The following ZRANB3 variants were observed in gnomAD, a reference collection of about 807,000 sequenced individuals.
The protein encoded by ZRANB3 is zinc finger RANBP2-type containing 3, also known as DNA annealing helicase and endonuclease ZRANB3.
ZRANB3 carries 125 observed loss-of-function variants against 133.8 expected under a neutral mutation model. The ratio of observed to expected loss-of-function variants is 0.93; its 90% CI spans 0.81 to 1.08. The LOEUF is 1.08. Among genes scored for constraint, ZRANB3 ranks in the 50% least tolerant of loss-of-function variants. The probability of loss-of-function intolerance (pLI) is 0.00; values close to 1 mark genes in which losing one functional copy is unlikely to be tolerated. For synonymous variants in ZRANB3, 387 were observed against 432.7 expected (o/e 0.89, Z 1.31); for missense variants, 1,229 against 1,275.5 (o/e 0.96, Z 0.56).
At chr2:135,413,130 T>A (rs950170289) in intron 2 of ZRANB3, among the ~76,000 whole-genome samples, 3 of 152,202 alleles carry the variant, frequency 2.0e-5, no homozygotes, top group Admixed American at 1.3e-4. Flanking sequence ...GCTTTTCTCC[T>A]CTTTCTTCCC....
At chr2:135,235,558 A>G (rs899739427) in intron 12 of ZRANB3, among the ~76,000 whole-genome samples, 244 of 152,124 alleles carry the variant, frequency 1.6e-3, no homozygotes, top group African/African-American at 5.8e-3. Context: ...GGCAAACCGA[A>G]TCCAGCAGCA....
chr2:135,412,404 T>C (rs1448107612), intron 2 of ZRANB3, among the ~76,000 whole-genome samples: 2 of 152,208 alleles, frequency 1.3e-5, no homozygotes. Context: ...GTGATTTTAA[T>C]ATTGTAAGTC....
intron 2 of ZRANB3, among the ~76,000 whole-genome samples, chr2:135,464,744 C>T (rs1347697835): frequency 2.6e-5 from 4 of 152,166 alleles, no homozygotes; most frequent in South Asian, 2.1e-4. Context: ...AAGCCATGTA[C>T]GTATTCCACA....
intron 6 of ZRANB3, among the ~76,000 whole-genome samples, chr2:135,328,613 T>A (rs941057556): frequency 5.9e-5 from 9 of 152,214 alleles, no homozygotes; most frequent in African/African-American, 2.2e-4. Flanking sequence ...GTATTTCTAG[T>A]TCTAGATCCT....
intron 2 of ZRANB3, among the ~76,000 whole-genome samples, chr2:135,488,432 T>C (rs1692218645): frequency 6.6e-6 from 1 of 151,934 alleles, no homozygotes; most frequent in Non-Finnish European, 1.5e-5. Flanking sequence ...CCACAATATA[T>C]GCAAAGCACA....
intron 2 of ZRANB3, among the ~76,000 whole-genome samples, chr2:135,451,392 T>C (rs1054167867): frequency 6.6e-6 from 1 of 151,348 alleles, no homozygotes; most frequent in Non-Finnish European, 1.5e-5. Flanking sequence ...AGAAACCCCG[T>C]CTCTACTAAA....
At chr2:135,499,938 A>G (rs1177386186) in intron 2 of ZRANB3, among the ~76,000 whole-genome samples, 1 of 152,220 alleles carries the variant, frequency 6.6e-6, no homozygotes, top group Non-Finnish European at 1.5e-5. Flanking sequence ...TCACCAATGT[A>G]ACCAATATGA....
At chr2:135,507,229 GAATA>G (rs1172457897) in intron 1 of ZRANB3, among the ~76,000 whole-genome samples, 2 of 152,116 alleles carry the variant, frequency 1.3e-5, no homozygotes, top group Admixed American at 6.5e-5. Flanking sequence ...AAGGACTACA[GAATA>G]AATAAATTGG....
chr2:135,393,960 C>T (rs962836204), intron 2 of ZRANB3, among the ~76,000 whole-genome samples: 5 of 152,042 alleles, frequency 3.3e-5, no homozygotes, highest in South Asian at 2.1e-4. Context: ...CAGGCTCAAG[C>T]GATTCTCCTG....
chr2:135,331,173 T>C (rs1257293153), intron 6 of ZRANB3, among the ~76,000 whole-genome samples: 1 of 152,224 alleles, frequency 6.6e-6, no homozygotes, highest in Non-Finnish European at 1.5e-5. Context: ...ATTTTAGATC[T>C]TTCCTGCTTT....
intron 2 of ZRANB3, among the ~76,000 whole-genome samples, chr2:135,471,215 A>G (rs890782921): frequency 1.3e-5 from 2 of 152,070 alleles, no homozygotes; most frequent in African/African-American, 4.8e-5. Flanking sequence ...AACATAGTGT[A>G]AAGAGAAAGT....
chr2:135,521,942 A>T (rs1693961224), intron 1 of ZRANB3, among the ~76,000 whole-genome samples: 1 of 152,114 alleles, frequency 6.6e-6, no homozygotes, highest in Non-Finnish European at 1.5e-5. Context: ...TGAGACACCC[A>T]TGGGGAGCCA....
Position 135,308,981 on chromosome 2 carries a change from A to ATT in ZRANB3, c.966+4506_966+4507dup, listed in dbSNP as rs68010822. ...TCTAAAAAAACTTAGTAATAACATC[A>ATT]TTTTTTTTTTTTTTTTTGAGATGGA... On this transcript the variant is annotated intron_variant, in intron 8 of 20. Transcript: ENST00000264159. Among the ~76,000 whole-genome samples the ATT allele has an allele frequency of 3.6e-3, 495 of 135,628 alleles. 6 individuals are homozygous for ATT. Among genetic ancestry groups the ATT allele is most frequent in the African/African-American group, 0.012 (415 of 36,000 alleles). 89.0% of individuals were successfully genotyped at this position (135,628 alleles called of 152,430 possible). A position where few individuals can be genotyped will look rare whatever the true frequency, so the allele number is the denominator to read the frequency against.
At chr2:135,399,123 C>A (rs1013088835) in intron 2 of ZRANB3, among the ~76,000 whole-genome samples, 1 of 152,148 alleles carries the variant, frequency 6.6e-6, no homozygotes, top group Non-Finnish European at 1.5e-5. Flanking sequence ...AACGGCCATA[C>A]ATGTACATGG....
chr2:135,284,750 C>A (rs1019465361), intron 8 of ZRANB3, among the ~76,000 whole-genome samples: 4 of 152,170 alleles, frequency 2.6e-5, no homozygotes, highest in Admixed American at 1.3e-4. Context: ...GGATTACAGG[C>A]GTGAGCCGCC....
At chr2:135,268,369 G>A (rs781619107) in intron 11 of ZRANB3, among the ~76,000 whole-genome samples, 5 of 152,046 alleles carry the variant, frequency 3.3e-5, no homozygotes, top group African/African-American at 4.8e-5. Flanking sequence ...GGTTCACCAT[G>A]TTGGCCAGGC....
chr2:135,354,369 A>G (rs1685337404), intron 3 of ZRANB3, among the ~76,000 whole-genome samples: 1 of 152,168 alleles, frequency 6.6e-6, no homozygotes, highest in Non-Finnish European at 1.5e-5. Flanking sequence ...GCTGATGCAA[A>G]ACTCGTATGA....
In ZRANB3 at chr2:135,371,847, G is replaced by C. The variant is rs184812191; in HGVS notation, c.181-18219C>G. Reference sequence around the variant, plus strand: ...AGGCTTTTGGAGGGAAGTCATAAGGGTGGGGCCCTCATGAACCAGATCAGT... The same window carrying C: ...AGGCTTTTGGAGGGAAGTCATAAGGCTGGGGCCCTCATGAACCAGATCAGT... On this transcript the variant is annotated intron_variant, in intron 3 of 20. Coordinates refer to ENST00000264159, the MANE Select transcript of ZRANB3 (RefSeq NM_032143.4). Among the ~76,000 whole-genome samples, 45 of 152,216 alleles carry C rather than the reference G, an allele frequency of 3.0e-4. 1 individual carries two copies. Among genetic ancestry groups the C allele is most frequent in the African/African-American group, 1.1e-3 (45 of 41,562 alleles).
intron 3 of ZRANB3, among the ~76,000 whole-genome samples, chr2:135,357,571 C>T (rs1299056638): frequency 2.0e-5 from 3 of 152,268 alleles, no homozygotes; most frequent in Non-Finnish European, 2.9e-5. Context: ...GCTTGGATTA[C>T]AGGCGTAAGC....
Sources: gnomAD v4.1 joint callset for allele counts (sites outside exome capture counted in the v4.1 genomes callset) on GRCh38, gnomAD v4.1.1 for gene constraint, MANE v1.5 for transcripts, NCBI Gene and HGNC (gene_info 2026-07-23, HGNC 2026-07-21) for gene names.